The following SH3BP1 variants were observed in gnomAD, a reference collection of about 807,000 sequenced individuals.
SH3BP1 encodes the protein SH3 domain-binding protein 1.
In SH3BP1, 46 loss-of-function variants were observed where a neutral mutation model predicts 69.8. The ratio of observed to expected loss-of-function variants is 0.66; its 90% confidence interval spans 0.52 to 0.84. SH3BP1 has a LOEUF of 0.84. SH3BP1 is among the 40% of genes least tolerant of loss of function. The pLI, the probability that SH3BP1 is intolerant of heterozygous loss-of-function variation, is 0.00. For synonymous variants in SH3BP1, 403 were observed against 378.0 expected, an observed-to-expected ratio of 1.07 and a Z score of -0.77; for missense variants, 868 against 930.9, an observed-to-expected ratio of 0.93 and a Z score of 0.88.
rs1933025115 is a variant in SH3BP1 at position 37,655,858 on chromosome 22, T to A, written c.*174T>A. ...AGGAGGGCTCAGGACAATCCTCTATTTCCTGACCTTTTCCTCGTCCACCCT... is the reference window on the plus strand; with the variant it reads ...AGGAGGGCTCAGGACAATCCTCTATATCCTGACCTTTTCCTCGTCCACCCT... On this transcript the variant is annotated 3_prime_UTR_variant, in exon 18 of 18. Coordinates refer to ENST00000649765, the MANE Select transcript of SH3BP1 (RefSeq NM_018957.6). 1 of 1,510,214 alleles carries A rather than the reference T, an allele frequency of 6.6e-7. No individual in the cohort carries two copies. The highest frequency in any genetic ancestry group is 2.0e-5 in the Admixed American group (1 of 49,022). The allele number at this position is 1,510,214 out of a possible 1,614,324, so 93.6% of individuals were successfully genotyped here. A position where few individuals can be genotyped will look rare whatever the true frequency, so the allele number is the denominator to read the frequency against.
intron 9 of SH3BP1, 30 bp downstream of exon 9, chr22:37,644,990 C>A: frequency 6.3e-7 from 1 of 1,590,654 alleles, no homozygotes; most frequent in East Asian, 2.2e-5. Flanking sequence ...GATACCACAC[C>A]CCTGACCCTG....
rs756817806 is a variant in SH3BP1, at chr22:37,653,830, T to G, written c.1650T>G (p.Ser550Arg). 1.3e-6 allele frequency: 2 copies of G among 1,494,072 alleles called. No individual in the cohort carries two copies. The highest frequency in any genetic ancestry group is 3.6e-5 in the Admixed American group (2 of 55,782). The allele number at this position is 1,494,072 out of a possible 1,614,324, so 92.6% of individuals were successfully genotyped here. A position where few individuals can be genotyped will look rare whatever the true frequency, so the allele number is the denominator to read the frequency against. Residue 550 changes from serine to arginine, a missense_variant, in exon 17 of 18, where the codon AGT becomes AGG. Coordinates refer to ENST00000649765, the MANE Select transcript of SH3BP1 (RefSeq NM_018957.6). ...CAGCCTCCCCCAAGGTCACCAGGAGTCCCCCGGAGACAGCTGCCCCAGTGG... is the reference window on the plus strand; with the variant it reads ...CAGCCTCCCCCAAGGTCACCAGGAGGCCCCCGGAGACAGCTGCCCCAGTGG... ...PRPASPKVTRSPPETAAPVED... is the reference protein window; with the variant it reads ...PRPASPKVTRRPPETAAPVED...
At chr22:37,648,536 G>A in intron 14 of SH3BP1, 101 bp downstream of exon 14, 2 of 801,668 alleles carry the variant, frequency 2.5e-6, no homozygotes, top group East Asian at 2.7e-5. Context: ...CCCCATTTTT[G>A]GAGTGGGTTG....
chr22:37,647,049 G>C (rs1314455688), intron 11 of SH3BP1, 120 bp downstream of exon 11: 7 of 761,302 alleles, frequency 9.2e-6, no homozygotes. Flanking sequence ...AGGACACTCG[G>C]GTTCTTAATG....
At position 37,647,457 on chromosome 22, in the gene SH3BP1, G is replaced by T. The variant is rs763783835; in HGVS notation, c.1135G>T (p.Ala379Ser). The part of the protein sequence containing the change: ...MRAASLKEPG[A>S]RLQALQEVCS... ...CCCCCCCAGCCTGAAGGAGCCAGGG[G>T]CCCGGCTGCAGGCCCTCCAAGAGGT... is the stretch of plus-strand genomic sequence containing the variant. Residue 379 changes from alanine to serine, a missense_variant, in exon 13 of 18, where the codon GCC (alanine) becomes TCC (serine). Ala to Ser is a moderately conservative substitution (Grantham distance 99, BLOSUM62 1). Around this residue, in one of 3 missense-constraint regions of SH3BP1, gnomAD observed 474 missense variants for 462.3 expected, o/e 1.03. Coordinates refer to ENST00000649765, the MANE Select transcript of SH3BP1 (RefSeq NM_018957.6). The T allele has an allele frequency of 6.2e-7, 1 of 1,611,388 alleles. No homozygotes were observed.
rs559859877 is a variant in SH3BP1 at position 37,642,469 on chromosome 22, G to C, written c.208-70G>C. ...GGTTCCCTCCTCCCCTGCCCCAAGG[G>C]GCTGGCCTGGTGCTCAGGCAGGGTG... is the stretch of plus-strand genomic sequence containing the variant. On this transcript the variant is annotated intron_variant, in intron 3 of 17. Transcript: ENST00000649765. 2.1e-5 allele frequency: 32 copies of C among 1,533,698 alleles called. No homozygotes were observed. The Admixed American group carries it at 4.2e-4, about 20-fold the overall frequency.
Position 37,644,962 on chromosome 22 carries a change from T to G in SH3BP1, c.778+2T>G. The G allele has an allele frequency of 6.2e-7, 1 of 1,613,478 alleles. No individual in the cohort carries two copies. Among genetic ancestry groups the G allele is most frequent in the Non-Finnish European group, 8.5e-7 (1 of 1,179,858 alleles). ...TGAGGGAGAACCACGGCCAAGCAGG[T>G]GGGGACATAGGCCCGGCGATACCAC... On this transcript the variant is annotated splice_donor_variant, in intron 9 of 17. Coordinates refer to ENST00000649765, the MANE Select transcript of SH3BP1 (RefSeq NM_018957.6). LOFTEE classifies it high-confidence loss of function.
rs1386913273 is a variant in SH3BP1, at chr22:37,650,261, G to A, written c.1414+12G>A. 3 of 1,594,668 alleles carry A rather than the reference G, an allele frequency of 1.9e-6. No individual in the cohort carries two copies. Among genetic ancestry groups the A allele is most frequent in the Non-Finnish European group, 2.6e-6 (3 of 1,169,900 alleles). On this transcript the variant is annotated intron_variant, in intron 15 of 17. Transcript: ENST00000649765. ...CCTCTTCCCTGGAGGTGAAGCTCCT[G>A]CCTGCATGGACGCCCTGCTGGGTGC...
In SH3BP1 at chr22:37,655,865, C is replaced by A; in HGVS notation, c.*181C>A. 1.3e-6 allele frequency: 2 copies of A among 1,532,254 alleles called. No individual in the cohort carries two copies. Among genetic ancestry groups the A allele is most frequent in the South Asian group, 2.4e-5 (2 of 82,632 alleles). The allele number at this position is 1,532,254 out of a possible 1,614,324, so 94.9% of individuals were successfully genotyped here. A position where few individuals can be genotyped will look rare whatever the true frequency, so the allele number is the denominator to read the frequency against. On this transcript the variant is annotated 3_prime_UTR_variant, in exon 18 of 18. Transcript: ENST00000649765. ...CTCAGGACAATCCTCTATTTCCTGA[C>A]CTTTTCCTCGTCCACCCTGGGCTTG...
Position 37,655,431 on chromosome 22 carries a change from C to T in SH3BP1, c.1853C>T (p.Thr618Ile), listed in dbSNP as rs780028183. The change falls in exon 18 of 18, where the codon ACA (threonine) becomes ATA (isoleucine). Residue 618 changes from threonine to isoleucine, a missense_variant. By Grantham distance (89) the Thr-to-Ile change is moderately conservative. Around this residue, in one of 3 missense-constraint regions of SH3BP1, gnomAD observed 474 missense variants for 462.3 expected, o/e 1.03. Transcript: ENST00000649765. ...GTTGGCAGCAGCCTCCGAGCCCCCA[C>T]AGTGCCACCCCCGTTACCCCCCACA... ...RLVGSSLRAP[T>I]VPPPLPPTPP... 101 of 1,376,086 alleles carry T rather than the reference C, an allele frequency of 7.3e-5. No individual in the cohort carries two copies. Among genetic ancestry groups the T allele is most frequent in the South Asian group, 5.8e-4 (43 of 74,524 alleles). 85.2% of individuals were successfully genotyped at this position (1,376,086 alleles called of 1,614,324 possible).
At chr22:37,648,221 C>A in intron 13 of SH3BP1, 98 bp from the exon 14 acceptor site, 1 of 805,518 alleles carries the variant, frequency 1.2e-6, no homozygotes. Flanking sequence ...TAAGACCATT[C>A]TGGGCGGTGT....
chr22:37,655,478 C>T lies in SH3BP1; in HGVS notation c.1900C>T (p.Gln634Ter). ...PPTPPQPARRQSRRSPASPSP... is the reference protein window; with the variant it reads ...PPTPPQPARR ...CACACCCCCTCAGCCTGCCCGGCGC[C>T]AAAGCCGGCGTTCACCAGCCTCCCC... The change falls in exon 18 of 18, where the codon CAA becomes TAA. Residue 634 changes from glutamine to a stop codon, truncating the protein, a stop_gained. Coordinates refer to ENST00000649765, the MANE Select transcript of SH3BP1 (RefSeq NM_018957.6). LOFTEE classifies it low-confidence loss of function (END_TRUNC). 5.3e-6 allele frequency: 8 copies of T among 1,504,496 alleles called. No homozygotes were observed. Among genetic ancestry groups the T allele is most frequent in the Non-Finnish European group, 7.2e-6 (8 of 1,116,474 alleles). The allele number at this position is 1,504,496 out of a possible 1,614,324, so 93.2% of individuals were successfully genotyped here.
intron 9 of SH3BP1, 198 bp downstream of exon 9, chr22:37,645,158 G>T: frequency 1.2e-6 from 1 of 836,660 alleles, no homozygotes; most frequent in Admixed American, 2.6e-5. Context: ...AGCCAGGCCT[G>T]TGAGGCAGAA....
chr22:37,643,246 C>T (rs1385103752), intron 6 of SH3BP1, 72 bp downstream of exon 6: 1 of 1,309,496 alleles, frequency 7.6e-7, no homozygotes, highest in African/African-American at 1.5e-5. Flanking sequence ...GCTTTGAGGC[C>T]CTGGCCACAC....
rs1157766572 is a variant in SH3BP1, at chr22:37,647,535, C to T, written c.1199+14C>T. 5.7e-6 allele frequency: 9 copies of T among 1,586,402 alleles called. No homozygotes were observed. The highest frequency in any genetic ancestry group is 2.3e-5 in the East Asian group (1 of 44,368). The stretch of plus-strand genomic sequence containing the variant: ...CAGCAACCTCAGGTGAGCCCGAGCC[C>T]GCCTCCCCAGCCTGCCGCAGAGCCA... On this transcript the variant is annotated intron_variant, in intron 13 of 17. Coordinates refer to ENST00000649765, the MANE Select transcript of SH3BP1 (RefSeq NM_018957.6).
chr22:37,650,720 G>C lies in SH3BP1; in HGVS notation c.1593G>C (p.Lys531Asn), dbSNP rs766462729. 1 of 1,608,440 alleles carries C rather than the reference G, an allele frequency of 6.2e-7. No individual in the cohort carries two copies. The highest frequency in any genetic ancestry group is 2.2e-5 in the East Asian group (1 of 44,848). Residue 531 changes from lysine to asparagine, a missense_variant, in exon 16 of 18, where the codon AAG becomes AAC. Physicochemically the swap from Lys to Asn is moderately conservative, Grantham distance 94. Transcript: ENST00000649765. ...CAGCCTTGGCTTCAGCAGCTACCAA[G>C]GAAAGGTGAGGACTGAGGGGCTTGA... The part of the protein sequence containing the change: ...PAPALASAAT[K>N]ERTESEVPPR...
At position 37,647,452 on chromosome 22, in the gene SH3BP1, C is replaced by T. The variant is rs376748177; in HGVS notation, c.1130C>T (p.Pro377Leu). The change falls in exon 13 of 18, where the codon CCA (proline) becomes CTA (leucine). Residue 377 changes from proline to leucine, a missense_variant. Physicochemically the swap from Pro to Leu is moderately conservative, Grantham distance 98. Transcript: ENST00000649765. ...DWMRAASLKE[P>L]GARLQALQEV... is the part of the protein sequence containing the mutation. Reference sequence around the variant, plus strand: ...CCACTCCCCCCCAGCCTGAAGGAGCCAGGGGCCCGGCTGCAGGCCCTCCAA... The same window carrying T: ...CCACTCCCCCCCAGCCTGAAGGAGCTAGGGGCCCGGCTGCAGGCCCTCCAA... The T allele has an allele frequency of 2.5e-6, 4 of 1,611,944 alleles. No homozygotes were observed. The highest frequency in any genetic ancestry group is 2.7e-5 in the African/African-American group (2 of 74,848).
At chr22:37,640,875 T>C in intron 1 of SH3BP1, 1 of 531,230 alleles carries the variant, frequency 1.9e-6, no homozygotes, top group East Asian at 3.3e-5. Flanking sequence ...TTTAGTTTCA[T>C]CTGTCCGCCC....
intron 17 of SH3BP1, 41 bp from the exon 18 acceptor site, chr22:37,655,231 C>T (rs779340541): frequency 6.1e-6 from 9 of 1,484,706 alleles, no homozygotes; most frequent in South Asian, 1.3e-5. Context: ...CCACAGGCCA[C>T]GTGGACACTC....
Sources: allele counts gnomAD v4.1 joint callset, GRCh38; gene constraint gnomAD v4.1.1; regional missense constraint gnomAD v4.1.1; transcripts MANE v1.5; gene names NCBI Gene and HGNC (gene_info 2026-07-23, HGNC 2026-07-21).